MAPK6: variants seen among roughly 807,000 people sequenced by gnomAD.
MAPK6 encodes the protein ERK-3.
MAPK6 carries 19 observed loss-of-function variants against 59.3 expected under a neutral mutation model. That is an observed-to-expected ratio of 0.32 (90% confidence interval 0.22 to 0.47). The LOEUF (loss-of-function observed/expected upper bound fraction) is 0.47, where lower values mean the gene tolerates loss of function less well. MAPK6 is among the 20% of genes least tolerant of loss of function. The probability of loss-of-function intolerance (pLI) is 1.00; values close to 1 mark genes in which losing one functional copy is unlikely to be tolerated. For missense variants in MAPK6, 724 were observed against 847.9 expected (o/e 0.85, Z 1.81); for synonymous variants, 316 against 290.3 (o/e 1.09, Z -0.90).
chr15:52,066,192 T>G lies in MAPK6; in HGVS notation c.*1192T>G, dbSNP rs1481489378. On this transcript the variant is annotated 3_prime_UTR_variant, in exon 6 of 6. Coordinates refer to ENST00000261845, the MANE Select transcript of MAPK6 (RefSeq NM_002748.4). ...AGAATTTGTTTCATCTATTTTATTT[T>G]ATTGAATACTGTCTGTATCTTTGGT... is the stretch of plus-strand genomic sequence containing the variant. The G allele has an allele frequency of 6.6e-6, 1 of 152,530 alleles. No individual in the cohort carries two copies. 9.4% of individuals were successfully genotyped at this position (152,530 alleles called of 1,614,324 possible).
upstream of MAPK6, chr15:52,018,694 C>T (rs1352075077): frequency 6.6e-6 from 1 of 152,486 alleles, no homozygotes; most frequent in Non-Finnish European, 1.5e-5. Flanking sequence ...AAACACCCTC[C>T]CCACCTCCTG....
rs903447858 is a variant in MAPK6, at chr15:52,065,710, ATTAAC to A, written c.*714_*718del. ...TATTTTCTGTATTTAATTATAAAAA[ATTAAC>A]TTAGTTTTTAAAATTTATTTGCAAA... On this transcript the variant is annotated 3_prime_UTR_variant, in exon 6 of 6. Transcript: ENST00000261845. 1.7e-4 allele frequency: 26 copies of A among 149,700 alleles called. No homozygotes were observed. The highest frequency in any genetic ancestry group is 6.2e-4 in the African/African-American group (25 of 40,368). 9.3% of individuals were successfully genotyped at this position (149,700 alleles called of 1,614,324 possible).
intron 1 of MAPK6, among the ~76,000 whole-genome samples, chr15:51,979,709 C>T (rs536842543): frequency 1.3e-5 from 2 of 151,912 alleles, no homozygotes; most frequent in East Asian, 3.9e-4. Context: ...GGGAGGATCA[C>T]TTGAGCCTGG....
intron 1 of MAPK6, among the ~76,000 whole-genome samples, chr15:52,020,566 G>C (rs1177765686): frequency 6.6e-6 from 1 of 152,088 alleles, no homozygotes; most frequent in Admixed American, 6.6e-5. Flanking sequence ...GATTCTTCTA[G>C]CCTGTCTCTT....
chr15:52,033,529 G>T (rs984639597), intron 1 of MAPK6, among the ~76,000 whole-genome samples: 1 of 152,226 alleles, frequency 6.6e-6, no homozygotes, highest in African/African-American at 2.4e-5. Context: ...CCAGTGGTCT[G>T]TCGGGGGTTC....
intron 2 of MAPK6, among the ~76,000 whole-genome samples, chr15:51,987,932 A>AT (rs1433025941): frequency 6.6e-6 from 1 of 151,848 alleles, no homozygotes; most frequent in African/African-American, 2.4e-5. Context: ...CACCTGGCTA[A>AT]TTTTTGTATT....
upstream of MAPK6, chr15:52,017,378 G>A (rs1305970281): frequency 6.6e-6 from 1 of 152,158 alleles, no homozygotes; most frequent in African/African-American, 2.4e-5. Context: ...CTTAAGGATG[G>A]GGGAGATTAT....
In MAPK6 at chr15:52,065,553, TC is replaced by T. The variant is rs953593128; in HGVS notation, c.*554del. On this transcript the variant is annotated 3_prime_UTR_variant, in exon 6 of 6. Coordinates refer to ENST00000261845, the MANE Select transcript of MAPK6 (RefSeq NM_002748.4). ...CCCATAGTGCTTCACAAAATGCACT[TC>T]TATTTAGCCAGCGTTTATTGTAGTA... 1 of 152,692 alleles carries T rather than the reference TC, an allele frequency of 6.5e-6. No homozygotes were observed. The highest frequency in any genetic ancestry group is 1.5e-5 in the Non-Finnish European group (1 of 68,074). 9.5% of individuals were successfully genotyped at this position (152,692 alleles called of 1,614,324 possible). A position where few individuals can be genotyped will look rare whatever the true frequency, so the allele number is the denominator to read the frequency against.
At chr15:51,994,010 G>A (rs561477293) in intron 2 of MAPK6, among the ~76,000 whole-genome samples, 1 of 151,822 alleles carries the variant, frequency 6.6e-6, no homozygotes, top group African/African-American at 2.4e-5. Flanking sequence ...ACCCAGGCTG[G>A]AGTGCAATGG....
chr15:51,998,168 G>A (rs1186794579), intron 2 of MAPK6, among the ~76,000 whole-genome samples: 2 of 150,328 alleles, frequency 1.3e-5, no homozygotes, highest in African/African-American at 4.9e-5. Context: ...GGTCGCGATC[G>A]CCTGACCTCG....
intron 1 of MAPK6, among the ~76,000 whole-genome samples, chr15:51,980,316 T>C (rs1366504528): frequency 6.7e-6 from 1 of 150,282 alleles, no homozygotes; most frequent in Non-Finnish European, 1.5e-5. Flanking sequence ...GAAAAAAAAA[T>C]GTGGATACCA....
At chr15:52,045,042 ATTTTC>A (rs1184166822) in intron 1 of MAPK6, among the ~76,000 whole-genome samples, 1 of 147,838 alleles carries the variant, frequency 6.8e-6, no homozygotes, top group Non-Finnish European at 1.5e-5. Flanking sequence ...GTTGTTTCTA[ATTTTC>A]TTTACCAAAA....
At chr15:52,018,913 C>G (rs1030894977), upstream of MAPK6, 1 of 152,422 alleles carries the variant, frequency 6.6e-6, no homozygotes, top group African/African-American at 2.4e-5. Flanking sequence ...TGCCCAGTGC[C>G]TTGCACGTAG....
In MAPK6 at chr15:52,065,169, GTTTTCA is replaced by G; in HGVS notation, c.*174_*179del. On this transcript the variant is annotated 3_prime_UTR_variant, in exon 6 of 6. Transcript: ENST00000261845. ...ACTTTCTTTTTCTACATGTGAGATA[GTTTTCA>G]TTTTAACTGGCATGTCATTTGCACA... 1.7e-6 allele frequency: 1 copy of G among 586,498 alleles called. No homozygotes were observed. Among genetic ancestry groups the G allele is most frequent in the Non-Finnish European group, 2.7e-6 (1 of 366,300 alleles). 36.3% of individuals were successfully genotyped at this position (586,498 alleles called of 1,614,324 possible).
chr15:51,976,616 T>A (rs1168698938), intron 1 of MAPK6, among the ~76,000 whole-genome samples: 3 of 151,776 alleles, frequency 2.0e-5, no homozygotes, highest in Admixed American at 6.6e-5. Context: ...TTCTAAACAA[T>A]TCTGAGAGTT....
chr15:52,043,324 A>C (rs992673124), intron 1 of MAPK6, among the ~76,000 whole-genome samples: 1 of 151,976 alleles, frequency 6.6e-6, no homozygotes, highest in Non-Finnish European at 1.5e-5. Flanking sequence ...TTGAGACGGA[A>C]TCTTGCTCTT....
intron 1 of MAPK6, among the ~76,000 whole-genome samples, chr15:52,024,402 CTT>C (rs1197373755): frequency 3.1e-4 from 43 of 139,114 alleles, no homozygotes; most frequent in Non-Finnish European, 2.5e-4. Flanking sequence ...TTTTCTTTTT[CTT>C]TTTTTTTTTT....
intron 1 of MAPK6, among the ~76,000 whole-genome samples, chr15:52,022,169 TAAAAG>T (rs1468870005): frequency 3.3e-5 from 5 of 152,028 alleles, no homozygotes; most frequent in Non-Finnish European, 5.9e-5. Context: ...ATTTTTAAAA[TAAAAG>T]AAAAAAAATT....
intron 1 of MAPK6, among the ~76,000 whole-genome samples, chr15:51,975,203 A>G (rs1331701928): frequency 6.6e-6 from 1 of 152,084 alleles, no homozygotes; most frequent in East Asian, 1.9e-4. Flanking sequence ...ACATAACACA[A>G]TACAATTAAT....
Sources: allele counts gnomAD v4.1 joint callset (sites outside exome capture counted in the v4.1 genomes callset), GRCh38; gene constraint gnomAD v4.1.1; transcripts MANE v1.5; gene names NCBI Gene and HGNC (gene_info 2026-07-23, HGNC 2026-07-21).